Variants in MAN1C1 observed in about 807,000 individuals in gnomAD.
MAN1C1 encodes the protein mannosidase alpha class 1C member 1, also known as mannosyl-oligosaccharide 1,2-alpha-mannosidase IC.
A neutral mutation model predicts 71.5 loss-of-function variants in MAN1C1; 49 were observed. That is an observed-to-expected ratio of 0.69 (90% confidence interval 0.54 to 0.87). The LOEUF (loss-of-function observed/expected upper bound fraction) is 0.87. MAN1C1 is among the 40% of genes least tolerant of loss of function. The probability of loss-of-function intolerance (pLI) is 0.00; values close to 1 mark genes in which losing one functional copy is unlikely to be tolerated. For synonymous variants in MAN1C1, 352 were observed against 343.7 expected (o/e 1.02, Z -0.27); for missense variants, 743 against 835.0 (o/e 0.89, Z 1.36).
chr1:25,721,085 G>A (rs779844854), intron 2 of MAN1C1, among the ~76,000 whole-genome samples: 11 of 152,112 alleles, frequency 7.2e-5, no homozygotes, highest in Middle Eastern at 3.2e-3. Flanking sequence ...TTTAAAACAC[G>A]AAATGTGAGT....
In MAN1C1 at chr1:25,782,789, T is replaced by A; in HGVS notation, c.1766+89T>A. ...CCCTCCCCTCCACAGTCAGGTTCTG[T>A]GGTCACAGGACGGGAGCCCAAAAGG... On this transcript the variant is annotated intron_variant, in intron 11 of 11. Transcript: ENST00000374332. This position sits in a 1 kb window ranked among gnomAD's most constrained non-coding sequence, Gnocchi z 4.4. 1.0e-6 allele frequency: 1 copy of A among 1,004,384 alleles called. No homozygotes were observed. Among genetic ancestry groups the A allele is most frequent in the Non-Finnish European group, 1.6e-6 (1 of 643,616 alleles). The allele number at this position is 1,004,384 out of a possible 1,614,324, so 62.2% of individuals were successfully genotyped here.
intron 2 of MAN1C1, among the ~76,000 whole-genome samples, chr1:25,739,300 T>G (rs1393306571): frequency 6.6e-6 from 1 of 152,196 alleles, no homozygotes; most frequent in Non-Finnish European, 1.5e-5. Context: ...AGCAGCTGCC[T>G]TTGAAAAGAT....
intron 5 of MAN1C1, among the ~76,000 whole-genome samples, chr1:25,758,106 G>A (rs1202344485): frequency 3.3e-5 from 5 of 152,206 alleles, no homozygotes; most frequent in Admixed American, 1.3e-4. Flanking sequence ...GAGGGAAAGA[G>A]CTAGGCGGGG....
At chr1:25,680,034 A>G (rs1214610550) in intron 1 of MAN1C1, among the ~76,000 whole-genome samples, 2 of 150,432 alleles carry the variant, frequency 1.3e-5, no homozygotes, top group African/African-American at 4.9e-5. Context: ...ATATACCATA[A>G]TATCTGACTT....
intron 2 of MAN1C1, among the ~76,000 whole-genome samples, chr1:25,703,065 G>A (rs1267749697): frequency 6.6e-6 from 1 of 152,216 alleles, no homozygotes; most frequent in Non-Finnish European, 1.5e-5. Flanking sequence ...TCTGGAGCTG[G>A]CCCAGGGATC....
At chr1:25,670,501 G>A (rs1375071421) in intron 1 of MAN1C1, among the ~76,000 whole-genome samples, 1 of 152,194 alleles carries the variant, frequency 6.6e-6, no homozygotes, top group African/African-American at 2.4e-5. Flanking sequence ...GCCTTCAGGG[G>A]GTGGGAATTT....
chr1:25,768,076 C>CACT (rs2047473802), intron 7 of MAN1C1, among the ~76,000 whole-genome samples: 1 of 10,850 alleles, frequency 9.2e-5, no homozygotes, highest in Non-Finnish European at 2.2e-4. Flanking sequence ...CACACACACT[C>CACT]CCCCCCACAC....
At chr1:25,664,221 A>G (rs778979304) in intron 1 of MAN1C1, among the ~76,000 whole-genome samples, 4 of 151,382 alleles carry the variant, frequency 2.6e-5, no homozygotes, top group Non-Finnish European at 5.9e-5. Context: ...CACCCCAAAA[A>G]GTAGTCAATC....
At chr1:25,733,663 G>C (rs60288479) in intron 2 of MAN1C1, among the ~76,000 whole-genome samples, 4,190 of 152,086 alleles carry the variant, frequency 0.028, 203 homozygotes, top group African/African-American at 0.093. Flanking sequence ...GGCACACCCC[G>C]AGTACCCAAA....
rs201910264 is a variant in MAN1C1 at position 25,669,604 on chromosome 1, TA to T, written c.541-16827del. Among the ~76,000 whole-genome samples, 26 of 151,496 alleles carry T rather than the reference TA, an allele frequency of 1.7e-4. 1 individual carries two copies. The East Asian group carries it at 1.9e-3, about 11-fold the overall frequency. On this transcript the variant is annotated intron_variant, in intron 1 of 11. Coordinates refer to ENST00000374332, the MANE Select transcript of MAN1C1 (RefSeq NM_020379.4). The stretch of plus-strand genomic sequence containing the variant: ...CAACGTATCGAGACCCTATCTTTTT[TA>T]AAAAAAAATTGTAAAAATCAGCCAA...
At chr1:25,781,347 A>G (rs1572217179) in intron 10 of MAN1C1, 2 of 492,530 alleles carry the variant, frequency 4.1e-6, no homozygotes, top group African/African-American at 3.9e-5. Flanking sequence ...CTGAGTGCCC[A>G]TATCCTTGGG....
chr1:25,752,524 A>C (rs1163420052), intron 4 of MAN1C1, among the ~76,000 whole-genome samples: 1 of 152,056 alleles, frequency 6.6e-6, no homozygotes, highest in East Asian at 1.9e-4. Context: ...TTATCTAACC[A>C]CTTTCCTATT....
intron 2 of MAN1C1, among the ~76,000 whole-genome samples, chr1:25,689,224 T>C (rs1410774107): frequency 6.6e-6 from 1 of 151,996 alleles, no homozygotes; most frequent in Non-Finnish European, 1.5e-5. Context: ...TGGAGCCTCT[T>C]GGGGGTCTGT....
intron 1 of MAN1C1, among the ~76,000 whole-genome samples, chr1:25,670,996 C>T (rs764257073): frequency 2.6e-5 from 4 of 152,294 alleles, no homozygotes; most frequent in Non-Finnish European, 5.9e-5. Context: ...CTCACCTAAA[C>T]CTCCCAAGTA....
Position 25,644,518 on chromosome 1 carries a change from A to ATATATTT in MAN1C1, c.540+26182_540+26183insATATTTT, listed in dbSNP as rs61386117. On this transcript the variant is annotated intron_variant, in intron 1 of 11. Transcript: ENST00000374332. ...GAGACATATATATATATATATATAT[A>ATATATTT]TTTTTTTTTTTTTTTTTTTTTTTTT... 2.4e-3 allele frequency: 96 copies of ATATATTT among 40,294 alleles called. 3 individuals carry two copies. In the East Asian group the frequency reaches 0.035, roughly 15 times the overall value. The allele number at this position is 40,294 out of a possible 1,614,324, so 2.5% of individuals were successfully genotyped here.
chr1:25,625,068 C>CA (rs2045274223), intron 1 of MAN1C1, among the ~76,000 whole-genome samples: 1 of 142,330 alleles, frequency 7.0e-6, no homozygotes, highest in Non-Finnish European at 1.5e-5. Context: ...TGCCGTGGCA[C>CA]AATCTCTGCA....
chr1:25,739,942 C>A (rs920310057), intron 2 of MAN1C1, among the ~76,000 whole-genome samples: 2 of 152,160 alleles, frequency 1.3e-5, no homozygotes, highest in Non-Finnish European at 2.9e-5. Flanking sequence ...GCCACAGCCC[C>A]CCTTGAAGCC....
intron 5 of MAN1C1, among the ~76,000 whole-genome samples, chr1:25,754,474 C>G (rs1425264523): frequency 3.0e-4 from 46 of 152,194 alleles, no homozygotes; most frequent in Non-Finnish European, 1.0e-4. Flanking sequence ...GTCAACTGTC[C>G]TCCCCTGTAG....
chr1:25,657,036 A>T (rs1414144078), intron 1 of MAN1C1, among the ~76,000 whole-genome samples: 1 of 152,164 alleles, frequency 6.6e-6, no homozygotes, highest in African/African-American at 2.4e-5. Flanking sequence ...CGTGTTAGCC[A>T]GGATGGTCTC....
Sources: allele counts gnomAD v4.1 joint callset (sites outside exome capture counted in the v4.1 genomes callset), GRCh38; gene constraint gnomAD v4.1.1; non-coding constraint Gnocchi (gnomAD v3.1); transcripts MANE v1.5; gene names NCBI Gene and HGNC (gene_info 2026-07-23, HGNC 2026-07-21).